The following INPP4B variants were observed in gnomAD, a reference collection of about 807,000 sequenced individuals.
INPP4B encodes inositol polyphosphate 4-phosphatase type II.
In INPP4B, 55 loss-of-function variants were observed where a neutral mutation model predicts 122.5. That is an observed-to-expected ratio of 0.45 (90% CI 0.36 to 0.56). The LOEUF (loss-of-function observed/expected upper bound fraction) is 0.56, where lower values mean the gene tolerates loss of function less well. Among genes scored for constraint, INPP4B ranks in the 20% least tolerant of loss-of-function variants. The pLI is 0.00. For missense variants in INPP4B, 1,000 were observed against 1,097.7 expected (o/e 0.91, Z 1.26); for synonymous variants, 403 against 388.7 (o/e 1.04, Z -0.43).
intron 11 of INPP4B, among the ~76,000 whole-genome samples, chr4:142,247,971 G>T (rs1275434866): frequency 6.6e-6 from 1 of 152,098 alleles, no homozygotes; most frequent in Non-Finnish European, 1.5e-5. Context: ...AAGCATTATT[G>T]TATTCTTGTA....
intron 2 of INPP4B, among the ~76,000 whole-genome samples, chr4:142,643,370 G>T (rs556186561): frequency 1.3e-5 from 2 of 152,182 alleles, no homozygotes; most frequent in South Asian, 2.1e-4. Context: ...GTGATTTAGG[G>T]ATACATACTT....
At chr4:142,498,372 C>A (rs1237351867) in intron 2 of INPP4B, among the ~76,000 whole-genome samples, 1 of 151,856 alleles carries the variant, frequency 6.6e-6, no homozygotes, top group Non-Finnish European at 1.5e-5. Flanking sequence ...TACCACAAAG[C>A]ACTGTGATGG....
At chr4:142,332,955 A>G (rs1310627718) in intron 7 of INPP4B, among the ~76,000 whole-genome samples, 9 of 149,012 alleles carry the variant, frequency 6.0e-5, no homozygotes, top group African/African-American at 1.5e-4. Context: ...AGCTTGTAGT[A>G]AGCCGAGATC....
intron 2 of INPP4B, among the ~76,000 whole-genome samples, chr4:142,508,356 C>A (rs1472894571): frequency 6.6e-6 from 1 of 152,136 alleles, no homozygotes; most frequent in African/African-American, 2.4e-5. Context: ...TCCCTGTAAC[C>A]TCTGCTCCCA....
chr4:142,174,314 C>G (rs945877102), intron 15 of INPP4B, among the ~76,000 whole-genome samples: 3 of 152,026 alleles, frequency 2.0e-5, no homozygotes, highest in Non-Finnish European at 4.4e-5. Context: ...AGGTGTGTAA[C>G]GTTAGTAGTC....
intron 25 of INPP4B, among the ~76,000 whole-genome samples, chr4:142,058,621 A>G (rs1443718097): frequency 6.6e-6 from 1 of 152,154 alleles, no homozygotes; most frequent in Non-Finnish European, 1.5e-5. Flanking sequence ...AATACTCAGA[A>G]ATGGGAAGGG....
At chr4:142,589,328 C>A (rs986287336) in intron 2 of INPP4B, among the ~76,000 whole-genome samples, 1 of 151,896 alleles carries the variant, frequency 6.6e-6, no homozygotes, top group Non-Finnish European at 1.5e-5. Flanking sequence ...ACTTCCTCTG[C>A]AAAAGACACT....
At chr4:142,619,784 C>T (rs572258009) in intron 2 of INPP4B, among the ~76,000 whole-genome samples, 8 of 151,882 alleles carry the variant, frequency 5.3e-5, no homozygotes, top group Non-Finnish European at 1.0e-4. Flanking sequence ...CAGGAATACC[C>T]CCCAAAAGGA....
At chr4:142,382,367 G>A (rs1408161722) in intron 7 of INPP4B, among the ~76,000 whole-genome samples, 1 of 151,458 alleles carries the variant, frequency 6.6e-6, no homozygotes, top group East Asian at 1.9e-4. Flanking sequence ...CAACTAGCTG[G>A]GCATGGTGGC....
At chr4:142,403,585 T>G (rs1802356768) in intron 6 of INPP4B, among the ~76,000 whole-genome samples, 1 of 152,138 alleles carries the variant, frequency 6.6e-6, no homozygotes, top group South Asian at 2.1e-4. Context: ...TGAAAGAAAC[T>G]CTAAATATGA....
At chr4:142,750,205 T>C (rs1339816649) in intron 1 of INPP4B, among the ~76,000 whole-genome samples, 1 of 151,894 alleles carries the variant, frequency 6.6e-6, no homozygotes, top group Non-Finnish European at 1.5e-5. Flanking sequence ...TCAATACATA[T>C]GTGGAAAAAA....
In INPP4B at chr4:142,405,193, C is replaced by T. The variant is rs767189177; in HGVS notation, c.255+13G>A. ...AGAGAGAGAGAGATTAATGTAGGCA[C>T]ACAGCATCTCACCTCCACAATTTCG... On this transcript the variant is annotated intron_variant, in intron 6 of 25. Coordinates refer to ENST00000262992, the MANE Select transcript of INPP4B (RefSeq NM_001101669.3). The T allele has an allele frequency of 7.0e-7, 1 of 1,432,120 alleles. No homozygotes were observed. The highest frequency in any genetic ancestry group is 1.1e-5 in the South Asian group (1 of 87,464). The allele number at this position is 1,432,120 out of a possible 1,614,324, so 88.7% of individuals were successfully genotyped here. A position where few individuals can be genotyped will look rare whatever the true frequency, so the allele number is the denominator to read the frequency against.
chr4:142,161,195 T>A (rs1819917953), intron 16 of INPP4B, among the ~76,000 whole-genome samples: 2 of 152,010 alleles, frequency 1.3e-5, no homozygotes, highest in South Asian at 4.1e-4. Flanking sequence ...TGCTTAATGT[T>A]AATGAGGTTA....
At chr4:142,345,676 G>C (rs1015604021) in intron 7 of INPP4B, among the ~76,000 whole-genome samples, 6 of 151,928 alleles carry the variant, frequency 3.9e-5, no homozygotes, top group African/African-American at 1.4e-4. Flanking sequence ...AAGTTAAGTG[G>C]TTTAATTCCC....
chr4:142,820,726 G>A (rs1390363715), intron 1 of INPP4B, among the ~76,000 whole-genome samples: 1 of 152,102 alleles, frequency 6.6e-6, no homozygotes, highest in Non-Finnish European at 1.5e-5. Flanking sequence ...AGCTGTGACG[G>A]TGTTGAGAAG....
intron 1 of INPP4B, among the ~76,000 whole-genome samples, chr4:142,808,375 CAGAG>C (rs1356015186): frequency 1.3e-5 from 2 of 152,098 alleles, no homozygotes; most frequent in Non-Finnish European, 2.9e-5. Flanking sequence ...AAGAAAATGA[CAGAG>C]AGAAAGTCTC....
At chr4:142,070,611 C>G (rs1766648535) in intron 25 of INPP4B, among the ~76,000 whole-genome samples, 1 of 152,148 alleles carries the variant, frequency 6.6e-6, no homozygotes. Context: ...CCCAAATACC[C>G]TTAAGCTGAT....
At chr4:142,248,470 T>A (rs981518100) in intron 11 of INPP4B, among the ~76,000 whole-genome samples, 72 of 151,680 alleles carry the variant, frequency 4.7e-4, no homozygotes, top group African/African-American at 1.7e-3. Flanking sequence ...CCCAAGTAGC[T>A]GGGATTACAG....
At chr4:142,803,153 C>G (rs1778228419) in intron 1 of INPP4B, among the ~76,000 whole-genome samples, 1 of 123,752 alleles carries the variant, frequency 8.1e-6, no homozygotes, top group African/African-American at 3.2e-5. Context: ...GCCTAGGCAA[C>G]AGAGTGAGAC....
Sources: gnomAD v4.1 joint callset for allele counts (sites outside exome capture counted in the v4.1 genomes callset) on GRCh38, gnomAD v4.1.1 for gene constraint, MANE v1.5 for transcripts, NCBI Gene and HGNC (gene_info 2026-07-23, HGNC 2026-07-21) for gene names.